Variants in EIF4G3 observed in about 807,000 individuals in gnomAD.
EIF4G3 encodes eIF-4-gamma 3.
A neutral mutation model predicts 186.4 loss-of-function variants in EIF4G3; 34 were observed. The ratio of observed to expected loss-of-function variants is 0.18; its 90% CI spans 0.14 to 0.24. The LOEUF (loss-of-function observed/expected upper bound fraction) is 0.24, where lower values mean the gene tolerates loss of function less well. Ranked by LOEUF, EIF4G3 falls within the 10% of genes least tolerant of loss-of-function variation. The pLI is 1.00. For missense variants in EIF4G3, 1,536 were observed against 1,948.5 expected (o/e 0.79, Z 3.99); for synonymous variants, 673 against 679.5 (o/e 0.99, Z 0.15).
chr1:21,111,410 T>C (rs1173618804), intron 2 of EIF4G3: 2 of 471,462 alleles, frequency 4.2e-6, no homozygotes, highest in Non-Finnish European at 8.8e-6. Flanking sequence ...AAATAAGGCT[T>C]ATGATGGGCT....
intron 2 of EIF4G3, among the ~76,000 whole-genome samples, chr1:21,098,260 G>C (rs755081930): frequency 1.3e-5 from 2 of 152,092 alleles, no homozygotes; most frequent in Non-Finnish European, 2.9e-5. Flanking sequence ...GAAGAAACTA[G>C]GCTGGGCCCA....
At chr1:20,807,582 CTGAA>C (rs2058288453) in intron 36 of EIF4G3, 82 bp from the exon 37 acceptor site, 3 of 1,242,418 alleles carry the variant, frequency 2.4e-6, no homozygotes, top group South Asian at 2.1e-5. Flanking sequence ...TAATGAATGA[CTGAA>C]TAAATGTGCA....
intron 3 of EIF4G3, among the ~76,000 whole-genome samples, chr1:21,062,860 G>C (rs1253276074): frequency 6.6e-6 from 1 of 152,068 alleles, no homozygotes; most frequent in African/African-American, 2.4e-5. Context: ...CAAAGTGCTA[G>C]GATTACAGGC....
At chr1:20,915,959 G>A (rs2093815266) in intron 14 of EIF4G3, among the ~76,000 whole-genome samples, 1 of 152,042 alleles carries the variant, frequency 6.6e-6, no homozygotes. Flanking sequence ...AAAATCCAAA[G>A]GAATCTCTAT....
chr1:20,940,805 C>T (rs183062539), intron 14 of EIF4G3, among the ~76,000 whole-genome samples: 7 of 152,208 alleles, frequency 4.6e-5, no homozygotes, highest in African/African-American at 1.2e-4. Flanking sequence ...TTACAATAAC[C>T]CAATGGTTAG....
At chr1:20,954,043 CTGTAT>C (rs1430769799) in intron 12 of EIF4G3, among the ~76,000 whole-genome samples, 1 of 152,090 alleles carries the variant, frequency 6.6e-6, no homozygotes, top group Non-Finnish European at 1.5e-5. Flanking sequence ...ATTTGCTGAC[CTGTAT>C]TGTAATTCAT....
chr1:20,985,068 T>TAC (rs1321973522), intron 7 of EIF4G3, among the ~76,000 whole-genome samples: 1 of 152,160 alleles, frequency 6.6e-6, no homozygotes, highest in East Asian at 1.9e-4. Flanking sequence ...TTACACATAT[T>TAC]ACCTCTCATG....
intron 3 of EIF4G3, among the ~76,000 whole-genome samples, chr1:21,068,939 A>C (rs2095357294): frequency 6.6e-6 from 1 of 152,228 alleles, no homozygotes; most frequent in African/African-American, 2.4e-5. Flanking sequence ...ATTTCCTTTG[A>C]GAATAATGCT....
chr1:20,849,046 CAAAAAAAA>C (rs60344352), intron 29 of EIF4G3, among the ~76,000 whole-genome samples: 1,747 of 17,154 alleles, frequency 0.1, 24 homozygotes, highest in African/African-American at 0.27. Flanking sequence ...GACTCTGTCT[CAAAAAAAA>C]AAAAAAAAAA....
At chr1:20,990,449 C>T (rs1341095279) in intron 7 of EIF4G3, among the ~76,000 whole-genome samples, 8 of 152,046 alleles carry the variant, frequency 5.3e-5, no homozygotes, top group African/African-American at 1.7e-4. Context: ...CTGAGGTGGG[C>T]GGATCACGAG....
intron 6 of EIF4G3, chr1:20,999,784 A>G: frequency 4.6e-6 from 2 of 430,190 alleles, no homozygotes; most frequent in Non-Finnish European, 9.2e-6. Flanking sequence ...GCTGTAAGCA[A>G]CAGAACAAAC....
chr1:21,038,383 C>G (rs1020372516), intron 4 of EIF4G3, among the ~76,000 whole-genome samples: 4 of 152,192 alleles, frequency 2.6e-5, no homozygotes, highest in Non-Finnish European at 5.9e-5. Flanking sequence ...AATGCTGGCT[C>G]TCCACTTCCT....
intron 18 of EIF4G3, chr1:20,892,501 T>C: frequency 1.3e-6 from 1 of 795,528 alleles, no homozygotes; most frequent in Non-Finnish European, 2.1e-6. Context: ...CTGCACTCTT[T>C]TGTACATGTC....
intron 18 of EIF4G3, among the ~76,000 whole-genome samples, chr1:20,887,562 G>C (rs2084609537): frequency 6.6e-6 from 1 of 151,806 alleles, no homozygotes; most frequent in Non-Finnish European, 1.5e-5. Flanking sequence ...TCAAAAGTTA[G>C]GGTTTCTGCA....
At position 20,923,589 on chromosome 1, in the gene EIF4G3, C is replaced by T. The variant is rs796521652; in HGVS notation, c.1663+17902G>A. On this transcript the variant is annotated intron_variant, in intron 14 of 36. Coordinates refer to ENST00000602326, the MANE Select transcript of EIF4G3 (RefSeq NM_001391906.1). ...CTTACACCTACTCAACACTTTTCAT[C>T]TCCAAATAAAATGCTACAGCTCACT... is the stretch of plus-strand genomic sequence containing the variant. Among the ~76,000 whole-genome samples the T allele has an allele frequency of 3.3e-5, 5 of 152,108 alleles. 1 individual carries two copies. The highest frequency in any genetic ancestry group is 1.2e-4 in the African/African-American group (5 of 41,502).
intron 10 of EIF4G3, among the ~76,000 whole-genome samples, chr1:20,979,689 T>C (rs2077554988): frequency 6.6e-6 from 1 of 152,138 alleles, no homozygotes; most frequent in South Asian, 2.1e-4. Context: ...AAAGAAGATG[T>C]CATTAACTAA....
chr1:21,135,186 T>C (rs2097216844), intron 2 of EIF4G3, among the ~76,000 whole-genome samples: 1 of 151,562 alleles, frequency 6.6e-6, no homozygotes, highest in Non-Finnish European at 1.5e-5. Context: ...ACCCGCAGAG[T>C]CACAACAGAA....
intron 4 of EIF4G3, among the ~76,000 whole-genome samples, chr1:21,044,245 C>T (rs1421286966): frequency 6.6e-6 from 1 of 151,978 alleles, no homozygotes; most frequent in Non-Finnish European, 1.5e-5. Context: ...AAAGTGTCAA[C>T]AAATATTGTC....
intron 4 of EIF4G3, among the ~76,000 whole-genome samples, chr1:21,031,694 C>T (rs560066535): frequency 6.6e-6 from 1 of 152,160 alleles, no homozygotes; most frequent in South Asian, 2.1e-4. Flanking sequence ...AGAGATTCTA[C>T]AAGCAATCTC....
Sources: allele counts gnomAD v4.1 joint callset (sites outside exome capture counted in the v4.1 genomes callset), GRCh38; gene constraint gnomAD v4.1.1; transcripts MANE v1.5; gene names NCBI Gene and HGNC (gene_info 2026-07-23, HGNC 2026-07-21).